The following GDPD5 variants were observed in gnomAD, a reference collection of about 807,000 sequenced individuals.
GDPD5 encodes glycerophosphodiester phosphodiesterase domain containing 5.
A neutral mutation model predicts 75.1 loss-of-function variants in GDPD5; 48 were observed. That is an observed-to-expected ratio of 0.64 (90% CI 0.51 to 0.81). The LOEUF (loss-of-function observed/expected upper bound fraction) is 0.81. GDPD5 is among the 40% of genes least tolerant of loss of function. The probability of loss-of-function intolerance (pLI) is 0.00; values close to 1 mark genes in which losing one functional copy is unlikely to be tolerated. For missense variants in GDPD5, 706 were observed against 822.6 expected (o/e 0.86, Z 1.73); for synonymous variants, 336 against 339.0 (o/e 0.99, Z 0.10).
At chr11:75,524,685 A>G (rs1408373851) in intron 1 of GDPD5, among the ~76,000 whole-genome samples, 1 of 152,210 alleles carries the variant, frequency 6.6e-6, no homozygotes, top group East Asian at 1.9e-4. Context: ...CACAAGGGCC[A>G]GGAGCTGCTG....
intron 3 of GDPD5, 79 bp downstream of exon 3, chr11:75,477,540 G>T: frequency 1.2e-6 from 1 of 855,402 alleles, no homozygotes; most frequent in Non-Finnish European, 1.8e-6. Context: ...AGCAGAGACA[G>T]AGCTAAGACC....
At chr11:75,441,373 G>A in intron 13 of GDPD5, 63 bp from the exon 14 acceptor site, 1 of 1,594,254 alleles carries the variant, frequency 6.3e-7, no homozygotes, top group Non-Finnish European at 8.6e-7. Context: ...CCAGTGTCGG[G>A]GCTGGTAAAG....
rs74372391 is a variant in GDPD5, at chr11:75,483,761, C to T, written c.-60-5966G>A. Among the ~76,000 whole-genome samples the T allele has an allele frequency of 7.5e-3, 1,141 of 152,248 alleles. 19 individuals are homozygous for T. The highest frequency in any genetic ancestry group is 0.026 in the African/African-American group (1,072 of 41,550). On this transcript the variant is annotated intron_variant, in intron 2 of 16. Coordinates refer to ENST00000336898, the MANE Select transcript of GDPD5 (RefSeq NM_030792.8). ...CAAAAGGCCACATATTGTATGATTCCATGTATAAGAAATGACCAGAATGGG... is the reference window on the plus strand; with the variant it reads ...CAAAAGGCCACATATTGTATGATTCTATGTATAAGAAATGACCAGAATGGG...
chr11:75,483,405 G>A (rs770334854), intron 2 of GDPD5, among the ~76,000 whole-genome samples: 29 of 152,124 alleles, frequency 1.9e-4, no homozygotes, highest in Non-Finnish European at 4.0e-4. Flanking sequence ...GTGCACCTCC[G>A]GCGTCCTGTC....
intron 9 of GDPD5, chr11:75,448,614 C>T (rs935875384): frequency 1.9e-6 from 2 of 1,029,244 alleles, no homozygotes; most frequent in African/African-American, 1.7e-5. Flanking sequence ...GGGCTCTGAG[C>T]TGCCTCCCAG....
In GDPD5 at chr11:75,456,836, G is replaced by A. The variant is rs771494233; in HGVS notation, c.316-20C>T. 21 of 1,612,886 alleles carry A rather than the reference G, an allele frequency of 1.3e-5. No homozygotes were observed. The East Asian group carries it at 4.5e-4, about 34-fold the overall frequency. On this transcript the variant is annotated intron_variant, in intron 5 of 16. Transcript: ENST00000336898. ...CAGGACCTGAGGAGGGACCCACAGG[G>A]TGATTGTCAGGCCCGTGTGGGCGGG...
chr11:75,439,840 G>A (rs1300127458), intron 15 of GDPD5, 39 bp downstream of exon 15: 6 of 1,533,130 alleles, frequency 3.9e-6, no homozygotes, highest in Non-Finnish European at 4.5e-6. Context: ...GCCTGCTGCA[G>A]GGTAGGGACA....
intron 3 of GDPD5, among the ~76,000 whole-genome samples, chr11:75,464,753 T>C (rs1159226094): frequency 6.6e-6 from 1 of 152,144 alleles, no homozygotes; most frequent in Non-Finnish European, 1.5e-5. Flanking sequence ...GGACACAGAA[T>C]GGCACAAGCT....
intron 9 of GDPD5, among the ~76,000 whole-genome samples, chr11:75,446,939 A>C (rs1949000517): frequency 6.6e-6 from 1 of 152,048 alleles, no homozygotes; most frequent in African/African-American, 2.4e-5. Context: ...GCTGGAGTGC[A>C]ATGGCGCAAT....
intron 10 of GDPD5, 90 bp from the exon 11 acceptor site, chr11:75,443,376 C>G (rs1016910861): frequency 1.0e-5 from 15 of 1,440,924 alleles, no homozygotes; most frequent in Non-Finnish European, 1.3e-5. Flanking sequence ...TCCTCCCCAC[C>G]CAGCACAGGA....
intron 4 of GDPD5, 81 bp downstream of exon 4, chr11:75,462,705 C>T (rs1284771764): frequency 1.8e-6 from 2 of 1,087,140 alleles, no homozygotes; most frequent in Admixed American, 2.0e-5. Flanking sequence ...GGGAGACAGG[C>T]TCTAACTCCA....
intron 3 of GDPD5, among the ~76,000 whole-genome samples, chr11:75,470,215 C>T (rs1247960325): frequency 2.0e-5 from 3 of 152,218 alleles, no homozygotes; most frequent in African/African-American, 7.2e-5. Context: ...CGTGAAGGCA[C>T]AGAGCAAAGC....
intron 10 of GDPD5, 115 bp downstream of exon 10, chr11:75,444,298 C>T: frequency 1.3e-6 from 1 of 758,942 alleles, no homozygotes; most frequent in Admixed American, 1.8e-5. Context: ...TAATCTAAGT[C>T]TTCCTCCTCC....
At chr11:75,483,885 G>T (rs1949970129) in intron 2 of GDPD5, among the ~76,000 whole-genome samples, 1 of 152,090 alleles carries the variant, frequency 6.6e-6, no homozygotes. Context: ...GTTTCTTTTT[G>T]GGCTGGTGAA....
Position 75,443,117 on chromosome 11 carries a change from G to T in GDPD5, c.948+19C>A. Reference sequence around the variant, plus strand: ...CTGGTGTTTTCCATGCCTAAGATTGGGATCAGGTGCAGCCAGACCTTCAGG... The same window carrying T: ...CTGGTGTTTTCCATGCCTAAGATTGTGATCAGGTGCAGCCAGACCTTCAGG... On this transcript the variant is annotated intron_variant, in intron 11 of 16. Coordinates refer to ENST00000336898, the MANE Select transcript of GDPD5 (RefSeq NM_030792.8). 1 of 1,591,452 alleles carries T rather than the reference G, an allele frequency of 6.3e-7. No individual in the cohort carries two copies. The highest frequency in any genetic ancestry group is 8.6e-7 in the Non-Finnish European group (1 of 1,168,394).
intron 14 of GDPD5, 26 bp from the exon 15 acceptor site, chr11:75,439,987 C>T (rs779074986): frequency 3.1e-5 from 49 of 1,588,042 alleles, no homozygotes; most frequent in African/African-American, 4.0e-5. Flanking sequence ...CCGAGGCCAA[C>T]TTCCAGTCAT....
intron 15 of GDPD5, 27 bp downstream of exon 15, chr11:75,439,852 C>T (rs1948736845): frequency 2.5e-6 from 4 of 1,587,006 alleles, no homozygotes; most frequent in Admixed American, 1.7e-5. Flanking sequence ...GTAGGGACAG[C>T]CACGGAAGTG....
At chr11:75,439,244 G>T in intron 15 of GDPD5, 1 of 435,558 alleles carries the variant, frequency 2.3e-6, no homozygotes, top group South Asian at 1.6e-5. Flanking sequence ...CGGGCACAGG[G>T]CTTGGTGCAC....
chr11:75,466,907 G>A (rs543022870), intron 3 of GDPD5, among the ~76,000 whole-genome samples: 1 of 152,188 alleles, frequency 6.6e-6, no homozygotes, highest in African/African-American at 2.4e-5. Context: ...GACTCTGCAG[G>A]CCCCCTTGGG....
Sources: allele counts gnomAD v4.1 joint callset (sites outside exome capture counted in the v4.1 genomes callset), GRCh38; gene constraint gnomAD v4.1.1; transcripts MANE v1.5; gene names NCBI Gene and HGNC (gene_info 2026-07-23, HGNC 2026-07-21).